The following PTPRG variants were observed in gnomAD, a reference collection of about 807,000 sequenced individuals.
PTPRG encodes the protein protein tyrosine phosphatase receptor type G, also known as receptor-type tyrosine-protein phosphatase gamma.
In PTPRG, 102 loss-of-function variants were observed where a neutral mutation model predicts 165.3. The observed-to-expected ratio is 0.62, with a 90% CI of 0.53 to 0.73. The LOEUF (loss-of-function observed/expected upper bound fraction) is 0.73, where lower values mean the gene tolerates loss of function less well. Ranked by LOEUF, PTPRG falls within the 30% of genes least tolerant of loss-of-function variation. The probability of loss-of-function intolerance (pLI) is 0.00; values close to 1 mark genes in which losing one functional copy is unlikely to be tolerated. For missense variants in PTPRG, 1,866 were observed against 1,861.4 expected, an observed-to-expected ratio of 1.00 and a Z score of -0.05; for synonymous variants, 675 against 669.5, an observed-to-expected ratio of 1.01 and a Z score of -0.13.
intron 1 of PTPRG, among the ~76,000 whole-genome samples, chr3:61,667,369 G>T (rs1352047493): frequency 6.6e-6 from 1 of 152,122 alleles, no homozygotes; most frequent in Non-Finnish European, 1.5e-5. Context: ...TAGAAAGTCT[G>T]GCACCTTTGA....
At chr3:61,638,799 A>G (rs1701989688) in intron 1 of PTPRG, among the ~76,000 whole-genome samples, 1 of 152,002 alleles carries the variant, frequency 6.6e-6, no homozygotes, top group African/African-American at 2.4e-5. Flanking sequence ...AATTCCTTAT[A>G]GATTCTGGAT....
intron 28 of PTPRG, among the ~76,000 whole-genome samples, chr3:62,288,164 G>T (rs1576229586): frequency 6.7e-6 from 1 of 148,378 alleles, no homozygotes; most frequent in South Asian, 2.1e-4. Flanking sequence ...AAAACAGCCT[G>T]TGTAAACTCT....
chr3:62,030,948 C>A (rs527810049), intron 4 of PTPRG, among the ~76,000 whole-genome samples: 2 of 152,164 alleles, frequency 1.3e-5, no homozygotes, highest in Admixed American at 6.5e-5. Flanking sequence ...ATCCAAGACA[C>A]AATTTGTTGG....
Position 62,203,885 on chromosome 3 carries a change from C to A in PTPRG, c.2090C>A (p.Ser697Tyr). The A allele has an allele frequency of 6.2e-7, 1 of 1,613,080 alleles. No individual in the cohort carries two copies. Among genetic ancestry groups the A allele is most frequent in the Non-Finnish European group, 8.5e-7 (1 of 1,179,508 alleles). ...GSDPKRPEMP[S>Y]KKPMSRGDRF... Reference sequence around the variant, plus strand: ...GATCCCAAGAGGCCCGAAATGCCATCTAAAAAGCCTATGTCCCGCGGGGAC... The same window carrying A: ...GATCCCAAGAGGCCCGAAATGCCATATAAAAAGCCTATGTCCCGCGGGGAC... The change falls in exon 12 of 30, where the codon TCT becomes TAT. Residue 697 changes from serine (S) to tyrosine (Y), a missense_variant. Physicochemically the swap from Ser to Tyr is moderately radical, Grantham distance 144. Coordinates refer to ENST00000474889, the MANE Select transcript of PTPRG (RefSeq NM_002841.4). This position sits in a 1 kb window ranked among gnomAD's most constrained non-coding sequence, Gnocchi z 6.4.
At chr3:62,283,819 T>G (rs1434173958) in intron 28 of PTPRG, among the ~76,000 whole-genome samples, 2 of 152,144 alleles carry the variant, frequency 1.3e-5, no homozygotes, top group Non-Finnish European at 2.9e-5. Context: ...CTTGAAGTAA[T>G]GTGTACTAGC....
chr3:62,095,301 G>T (rs1702073979), intron 5 of PTPRG, among the ~76,000 whole-genome samples: 1 of 152,152 alleles, frequency 6.6e-6, no homozygotes, highest in African/African-American at 2.4e-5. Context: ...GTGAGGCAAA[G>T]GAAGAATGTC....
intron 1 of PTPRG, among the ~76,000 whole-genome samples, chr3:61,618,337 C>T (rs553760757): frequency 6.6e-6 from 1 of 152,126 alleles, no homozygotes. Context: ...GTCTCACAAG[C>T]TTAGACTCCA....
At chr3:61,865,583 C>T (rs1035431387) in intron 2 of PTPRG, among the ~76,000 whole-genome samples, 87 of 152,274 alleles carry the variant, frequency 5.7e-4, no homozygotes, top group African/African-American at 2.0e-3. Flanking sequence ...ATGGATGGCC[C>T]GATACCTGGT....
rs571775792 is a variant in PTPRG at position 61,683,675 on chromosome 3, C to T, written c.86-65203C>T. Among the ~76,000 whole-genome samples the T allele has an allele frequency of 4.1e-3, 621 of 152,304 alleles. 4 individuals carry two copies. Among genetic ancestry groups the T allele is most frequent in the Non-Finnish European group, 5.4e-3 (365 of 68,032 alleles). ...TTCCTTTCTTCCGTTTGATATATTT[C>T]GTTCTCTGTCGTGCTTGAGCTCTCT... On this transcript the variant is annotated intron_variant, in intron 1 of 29. Coordinates refer to ENST00000474889, the MANE Select transcript of PTPRG (RefSeq NM_002841.4).
chr3:62,204,277 C>A (rs946824746), intron 12 of PTPRG, among the ~76,000 whole-genome samples: 1 of 152,168 alleles, frequency 6.6e-6, no homozygotes, highest in African/African-American at 2.4e-5. Flanking sequence ...ATTAAGATTT[C>A]ATTCCATATT....
chr3:62,230,201 G>A (rs373608466), intron 13 of PTPRG, among the ~76,000 whole-genome samples: 34 of 152,218 alleles, frequency 2.2e-4, no homozygotes, highest in African/African-American at 7.9e-4. Flanking sequence ...TACCCAATAT[G>A]GAGTCTAATA....
intron 1 of PTPRG, among the ~76,000 whole-genome samples, chr3:61,669,585 G>A (rs1299365474): frequency 3.9e-5 from 6 of 152,258 alleles, no homozygotes; most frequent in South Asian, 2.1e-4. Flanking sequence ...CTGGACCCCC[G>A]TGCCTGCAGT....
At chr3:61,621,919 T>G (rs1208429171) in intron 1 of PTPRG, among the ~76,000 whole-genome samples, 2 of 152,208 alleles carry the variant, frequency 1.3e-5, no homozygotes, top group African/African-American at 4.8e-5. Context: ...GCACATGGTC[T>G]GGCATTGTGT....
At chr3:61,578,085 C>T (rs919551404) in intron 1 of PTPRG, among the ~76,000 whole-genome samples, 1 of 152,220 alleles carries the variant, frequency 6.6e-6, no homozygotes, top group Non-Finnish European at 1.5e-5. Flanking sequence ...TTTACCAGCT[C>T]ATGAGTAGAC....
chr3:61,700,427 A>C (rs1301798949), intron 1 of PTPRG, among the ~76,000 whole-genome samples: 1 of 152,238 alleles, frequency 6.6e-6, no homozygotes, highest in Non-Finnish European at 1.5e-5. Context: ...GTAATTCAGC[A>C]CAGTACTAAA....
Position 62,069,053 on chromosome 3 carries a change from T to A in PTPRG, c.520-9110T>A, listed in dbSNP as rs140408770. Among the ~76,000 whole-genome samples the A allele has an allele frequency of 5.2e-3, 794 of 152,346 alleles. 10 individuals are homozygous for A. The highest frequency in any genetic ancestry group is 0.018 in the African/African-American group (729 of 41,584). ...ACACACTGGTTTCTTTGCCACACCC[T>A]GTGGCATGACTTCTTGGGATGTTGG... On this transcript the variant is annotated intron_variant, in intron 4 of 29. Transcript: ENST00000474889.
At chr3:61,912,051 C>T (rs528983376) in intron 2 of PTPRG, among the ~76,000 whole-genome samples, 1 of 152,168 alleles carries the variant, frequency 6.6e-6, no homozygotes, top group Non-Finnish European at 1.5e-5. Flanking sequence ...TAAATCTTTT[C>T]TTTTTGTGAG....
chr3:62,251,466 T>C (rs969985888), intron 15 of PTPRG, among the ~76,000 whole-genome samples: 2 of 152,052 alleles, frequency 1.3e-5, no homozygotes, highest in African/African-American at 4.8e-5. Context: ...CTGGGCAACA[T>C]AGCAAGACTC....
chr3:61,627,103 A>T (rs370629398), intron 1 of PTPRG, among the ~76,000 whole-genome samples: 5 of 150,008 alleles, frequency 3.3e-5, no homozygotes, highest in African/African-American at 4.9e-5. Flanking sequence ...TTAAAAGCAA[A>T]TTTTTTTTTT....
Sources: allele counts gnomAD v4.1 joint callset (sites outside exome capture counted in the v4.1 genomes callset), GRCh38; gene constraint gnomAD v4.1.1; non-coding constraint Gnocchi (gnomAD v3.1); transcripts MANE v1.5; gene names NCBI Gene and HGNC (gene_info 2026-07-23, HGNC 2026-07-21).